Variants in TBC1D2B observed in about 807,000 individuals in gnomAD.
TBC1D2B encodes TBC1 domain family, member 2B.
In TBC1D2B, 64 loss-of-function variants were observed where a neutral mutation model predicts 100.8. That is an observed-to-expected ratio of 0.64 (90% CI 0.52 to 0.78). TBC1D2B has a LOEUF of 0.78. Among genes scored for constraint, TBC1D2B ranks in the 30% least tolerant of loss-of-function variants. The probability of loss-of-function intolerance (pLI) is 0.00; values close to 1 mark genes in which losing one functional copy is unlikely to be tolerated. For synonymous variants in TBC1D2B, 480 were observed against 479.7 expected (o/e 1.00, Z -0.01); for missense variants, 1,052 against 1,218.4 (o/e 0.86, Z 2.03).
Position 78,009,116 on chromosome 15 carries a change from T to A in TBC1D2B, c.2271-2A>T, listed in dbSNP as rs778801456. 1.9e-6 allele frequency: 3 copies of A among 1,588,242 alleles called. No individual in the cohort carries two copies. Among genetic ancestry groups the A allele is most frequent in the Non-Finnish European group, 2.6e-6 (3 of 1,165,108 alleles). On this transcript the variant is annotated splice_acceptor_variant, in intron 9 of 12. Transcript: ENST00000300584. LOFTEE classifies it high-confidence loss of function. ...TACAGGAGGGCCACTGCCACCAACC[T>A]ACAAGCAAAGGGAGGACAAGATGAG...
intron 1 of TBC1D2B, among the ~76,000 whole-genome samples, chr15:78,064,936 C>T (rs1029137413): frequency 2.6e-5 from 4 of 152,138 alleles, no homozygotes; most frequent in Non-Finnish European, 4.4e-5. Context: ...TTTAAAATTG[C>T]TATCTTAAAA....
At chr15:78,008,537 C>T (rs1042281191) in intron 10 of TBC1D2B, among the ~76,000 whole-genome samples, 1 of 152,218 alleles carries the variant, frequency 6.6e-6, no homozygotes, top group African/African-American at 2.4e-5. Flanking sequence ...TCCTCCCCAT[C>T]CTCCTCCCTT....
intron 2 of TBC1D2B, 37 bp downstream of exon 2, chr15:78,053,997 A>G (rs531796060): frequency 6.3e-7 from 1 of 1,587,160 alleles, no homozygotes; most frequent in East Asian, 2.2e-5. Context: ...TGGCTTACAC[A>G]AAGAACTGAC....
intron 8 of TBC1D2B, among the ~76,000 whole-genome samples, chr15:78,015,228 CAATAA>C (rs908899797): frequency 6.6e-6 from 1 of 151,752 alleles, no homozygotes; most frequent in African/African-American, 2.4e-5. Context: ...CAAAACAAAA[CAATAA>C]AATAAAATAA....
At chr15:78,040,855 G>GAAGA (rs60990991) in intron 3 of TBC1D2B, among the ~76,000 whole-genome samples, 4,114 of 74,786 alleles carry the variant, frequency 0.055, 226 homozygotes, top group South Asian at 0.36. Flanking sequence ...AGAAAGAAAG[G>GAAGA]AAGAAAGAAA....
At chr15:78,075,992 G>A (rs2073822601) in intron 1 of TBC1D2B, among the ~76,000 whole-genome samples, 1 of 152,200 alleles carries the variant, frequency 6.6e-6, no homozygotes, top group Non-Finnish European at 1.5e-5. Flanking sequence ...TTGCTCTGGA[G>A]AAAGCCCAAC....
chr15:78,069,237 C>T (rs1197853427), intron 1 of TBC1D2B, among the ~76,000 whole-genome samples: 1 of 152,158 alleles, frequency 6.6e-6, no homozygotes, highest in Non-Finnish European at 1.5e-5. Context: ...ATGAGCAAAG[C>T]AAGTGCAGCA....
chr15:78,064,869 A>G (rs1481287076), intron 1 of TBC1D2B, among the ~76,000 whole-genome samples: 1 of 152,236 alleles, frequency 6.6e-6, no homozygotes, highest in African/African-American at 2.4e-5. Flanking sequence ...AAAATGGAAT[A>G]CAAGGTCACA....
intron 11 of TBC1D2B, chr15:78,002,478 G>A (rs1407651692): frequency 7.7e-6 from 1 of 130,216 alleles, no homozygotes; most frequent in African/African-American, 2.6e-5. Context: ...CACTGTGCCT[G>A]GCCTTTCTTT....
intron 6 of TBC1D2B, among the ~76,000 whole-genome samples, chr15:78,020,252 C>G (rs1463564781): frequency 2.6e-5 from 4 of 152,182 alleles, no homozygotes; most frequent in Admixed American, 6.5e-5. Flanking sequence ...GGAAAGCTGG[C>G]TGGAGGGCAA....
At chr15:78,045,489 T>C (rs77944000) in intron 2 of TBC1D2B, among the ~76,000 whole-genome samples, 3,323 of 152,338 alleles carry the variant, frequency 0.022, 132 homozygotes, top group African/African-American at 0.077. Context: ...GGGTCCCTTT[T>C]CTCTAAGAAA....
chr15:78,021,720 CT>C (rs1175278901), intron 6 of TBC1D2B, among the ~76,000 whole-genome samples: 1 of 152,136 alleles, frequency 6.6e-6, no homozygotes, highest in East Asian at 1.9e-4. Flanking sequence ...GGGCCACAGG[CT>C]TGTTAAGTTG....
At chr15:78,031,130 T>G (rs1217763584) in intron 3 of TBC1D2B, among the ~76,000 whole-genome samples, 1 of 152,278 alleles carries the variant, frequency 6.6e-6, no homozygotes, top group East Asian at 1.9e-4. Flanking sequence ...CAGATTATAC[T>G]ATTAACAGAG....
At chr15:78,050,089 C>T (rs1008599146) in intron 2 of TBC1D2B, among the ~76,000 whole-genome samples, 4 of 152,148 alleles carry the variant, frequency 2.6e-5, no homozygotes, top group Non-Finnish European at 4.4e-5. Flanking sequence ...ACTGCCAACG[C>T]GGGGCCTGCA....
At chr15:78,009,713 G>A (rs907812746) in intron 9 of TBC1D2B, among the ~76,000 whole-genome samples, 2 of 152,172 alleles carry the variant, frequency 1.3e-5, no homozygotes, top group Admixed American at 6.5e-5. Flanking sequence ...AATGGCTCAC[G>A]CCTGTAATCC....
At chr15:78,071,378 C>T (rs898433295) in intron 1 of TBC1D2B, among the ~76,000 whole-genome samples, 4 of 152,218 alleles carry the variant, frequency 2.6e-5, no homozygotes, top group Non-Finnish European at 2.9e-5. Flanking sequence ...CAGCTATACT[C>T]ATTCTGTGGT....
intron 5 of TBC1D2B, 118 bp from the exon 6 acceptor site, chr15:78,024,657 C>G (rs779734392): frequency 3.1e-6 from 3 of 968,996 alleles, no homozygotes; most frequent in Non-Finnish European, 4.4e-6. Context: ...AGAAACTTTA[C>G]TGGAAACATT....
intron 1 of TBC1D2B, among the ~76,000 whole-genome samples, chr15:78,073,838 C>T (rs2073778411): frequency 1.3e-5 from 2 of 151,646 alleles, no homozygotes; most frequent in African/African-American, 4.8e-5. Flanking sequence ...GGAGCGGTGG[C>T]ACGCGCCTAT....
chr15:78,025,148 G>A, intron 5 of TBC1D2B, 111 bp downstream of exon 5: 1 of 909,730 alleles, frequency 1.1e-6, no homozygotes, highest in Non-Finnish European at 1.7e-6. Context: ...AGCAACTCCT[G>A]GGAAACAAAG....
Sources: allele counts gnomAD v4.1 joint callset (sites outside exome capture counted in the v4.1 genomes callset), GRCh38; gene constraint gnomAD v4.1.1; transcripts MANE v1.5; gene names NCBI Gene and HGNC (gene_info 2026-07-23, HGNC 2026-07-21).